The following NPAS3 variants were observed in gnomAD, a reference collection of about 807,000 sequenced individuals.
NPAS3 encodes neuronal PAS domain-containing protein 3.
A neutral mutation model predicts 73.1 loss-of-function variants in NPAS3; 14 were observed. The ratio of observed to expected loss-of-function variants is 0.19; its 90% CI spans 0.13 to 0.30. NPAS3 has a LOEUF of 0.30. Among genes scored for constraint, NPAS3 ranks in the 10% least tolerant of loss-of-function variants. NPAS3 has a pLI of 1.00. For missense variants in NPAS3, 1,096 were observed against 1,250.0 expected, an observed-to-expected ratio of 0.88 and a Z score of 1.86; for synonymous variants, 620 against 541.5, an observed-to-expected ratio of 1.14 and a Z score of -2.01.
chr14:33,326,261 G>C (rs1420600512), intron 3 of NPAS3, among the ~76,000 whole-genome samples: 1 of 152,158 alleles, frequency 6.6e-6, no homozygotes, highest in African/African-American at 2.4e-5. Context: ...AAAAAGCAGA[G>C]AGACAAAGTA....
At chr14:33,614,337 C>A (rs912023935) in intron 5 of NPAS3, among the ~76,000 whole-genome samples, 1 of 152,186 alleles carries the variant, frequency 6.6e-6, no homozygotes. Flanking sequence ...CTACCCAGAG[C>A]TTTCTGCAAA....
In NPAS3 at chr14:33,053,399, T is replaced by C. The variant is rs138044031; in HGVS notation, c.51-2506T>C. On this transcript the variant is annotated intron_variant, in intron 1 of 11. Transcript: ENST00000356141. ...CTTACATGTTTCACATGTATGTAAA[T>C]GCACTTAAGTCCTACCTCAAGCTGT... is the stretch of plus-strand genomic sequence containing the variant. 8.4e-3 allele frequency among the ~76,000 whole-genome samples: 1,273 copies of C among 152,302 alleles called. 7 individuals carry two copies. The highest frequency in any genetic ancestry group is 0.012 in the Non-Finnish European group (831 of 68,022).
chr14:32,996,009 A>G (rs2038555161), intron 1 of NPAS3, among the ~76,000 whole-genome samples: 1 of 152,198 alleles, frequency 6.6e-6, no homozygotes, highest in African/African-American at 2.4e-5. Context: ...GACTTGTTAA[A>G]TGGCTTTGAT....
intron 2 of NPAS3, among the ~76,000 whole-genome samples, chr14:33,179,551 G>C (rs2139430499): frequency 6.6e-6 from 1 of 152,250 alleles, no homozygotes; most frequent in Admixed American, 6.5e-5. Context: ...CTTAGAGCTA[G>C]TAAATTGTAA....
chr14:32,961,545 A>C (rs2036920528), intron 1 of NPAS3, among the ~76,000 whole-genome samples: 1 of 152,124 alleles, frequency 6.6e-6, no homozygotes, highest in South Asian at 2.1e-4. Context: ...CCAATTGAGG[A>C]TGCCTCTTCA....
chr14:33,118,449 T>A (rs992150977), intron 2 of NPAS3, among the ~76,000 whole-genome samples: 4 of 152,120 alleles, frequency 2.6e-5, no homozygotes, highest in Non-Finnish European at 5.9e-5. Context: ...AAAATGTTTA[T>A]CTTTGTGGTT....
At chr14:33,784,751 T>A (rs71409524) in intron 9 of NPAS3, among the ~76,000 whole-genome samples, 70 of 114,822 alleles carry the variant, frequency 6.1e-4, no homozygotes, top group South Asian at 3.2e-3. Flanking sequence ...ATTTATTTTT[T>A]TTTTTTTTTT....
At chr14:33,281,694 T>A (rs1217484470) in intron 3 of NPAS3, among the ~76,000 whole-genome samples, 1 of 152,228 alleles carries the variant, frequency 6.6e-6, no homozygotes, top group Non-Finnish European at 1.5e-5. Context: ...AAGTCAGGAC[T>A]AAGAATTTTT....
intron 4 of NPAS3, among the ~76,000 whole-genome samples, chr14:33,499,127 A>G (rs1048369898): frequency 2.0e-5 from 3 of 151,886 alleles, no homozygotes; most frequent in Non-Finnish European, 4.4e-5. Flanking sequence ...GAAACAAGTG[A>G]CTATAAATTA....
chr14:33,050,219 A>C (rs1278402121), intron 1 of NPAS3, among the ~76,000 whole-genome samples: 3 of 152,066 alleles, frequency 2.0e-5, no homozygotes, highest in African/African-American at 7.2e-5. Flanking sequence ...ATTGACAAGA[A>C]CTCACTCATT....
At chr14:33,555,851 T>G (rs1460746338) in intron 4 of NPAS3, among the ~76,000 whole-genome samples, 1 of 151,784 alleles carries the variant, frequency 6.6e-6, no homozygotes. Context: ...ATGATAAGCA[T>G]AAAAGTGAAA....
rs1166376938 is a variant in NPAS3 at position 33,083,696 on chromosome 14, C to A, written c.140+27702C>A. Among the ~76,000 whole-genome samples, 9 of 152,190 alleles carry A rather than the reference C, an allele frequency of 5.9e-5. No homozygotes were observed. The East Asian group carries it at 1.5e-3, about 26-fold the overall frequency. Reference sequence around the variant, plus strand: ...AATTGCCATGTCTAGAATTTAGGAGCCTCTCAAATATTTGAAGGGTATCCA... The same window carrying A: ...AATTGCCATGTCTAGAATTTAGGAGACTCTCAAATATTTGAAGGGTATCCA... On this transcript the variant is annotated intron_variant, in intron 2 of 11. Transcript: ENST00000356141.
intron 5 of NPAS3, among the ~76,000 whole-genome samples, chr14:33,574,904 A>G (rs1429358985): frequency 1.3e-5 from 2 of 152,188 alleles, no homozygotes; most frequent in African/African-American, 4.8e-5. Flanking sequence ...GGTAAAGGTG[A>G]AACCAGAACA....
intron 2 of NPAS3, among the ~76,000 whole-genome samples, chr14:33,147,738 T>A (rs943856045): frequency 0.032 from 4,493 of 142,530 alleles, 128 homozygotes; most frequent in African/African-American, 0.058. Context: ...AAAATATATA[T>A]ATATATATAT....
At chr14:33,089,794 G>A (rs1460798333) in intron 2 of NPAS3, among the ~76,000 whole-genome samples, 2 of 152,184 alleles carry the variant, frequency 1.3e-5, no homozygotes, top group South Asian at 2.1e-4. Flanking sequence ...ACTAACAGCA[G>A]ATCTCTCGGC....
At chr14:33,683,427 CA>C (rs1176606241) in intron 6 of NPAS3, among the ~76,000 whole-genome samples, 3,132 of 77,372 alleles carry the variant, frequency 0.04, 60 homozygotes, top group East Asian at 0.18. Context: ...TTCCTCATTT[CA>C]AAAAAAAAAA....
At chr14:33,034,393 A>G (rs984849420) in intron 1 of NPAS3, among the ~76,000 whole-genome samples, 10 of 151,798 alleles carry the variant, frequency 6.6e-5, no homozygotes, top group African/African-American at 2.2e-4. Flanking sequence ...GTATAAATAA[A>G]CCAACTTGGT....
rs368849763 is a variant in NPAS3, at chr14:32,986,734, A to C, written c.50+47368A>C. On this transcript the variant is annotated intron_variant, in intron 1 of 11. Coordinates refer to ENST00000356141, the Ensembl canonical transcript of NPAS3. ...AAAGTTAGCAGTTCCACTGCATAAC[A>C]TTTAGTTAACAGCAGCGTTGTAGCT... 4.8e-4 allele frequency among the ~76,000 whole-genome samples: 73 copies of C among 152,382 alleles called. 1 individual carries two copies. The South Asian group carries it at 0.014, about 30-fold the overall frequency.
intron 9 of NPAS3, among the ~76,000 whole-genome samples, chr14:33,786,489 C>A (rs2063178046): frequency 6.6e-6 from 1 of 152,208 alleles, no homozygotes; most frequent in South Asian, 2.1e-4. Flanking sequence ...CACATCATCC[C>A]TTTTGTCTGT....
Sources: allele counts gnomAD v4.1 joint callset (sites outside exome capture counted in the v4.1 genomes callset), GRCh38; gene constraint gnomAD v4.1.1; transcripts MANE v1.5; gene names NCBI Gene and HGNC (gene_info 2026-07-23, HGNC 2026-07-21).